LRP5: variants seen among roughly 807,000 people sequenced by gnomAD.
The protein encoded by LRP5 is LDL receptor related protein 5.
Under a neutral mutation model 154.1 loss-of-function variants are expected in LRP5, and 62 were observed. The observed-to-expected ratio is 0.40, with a 90% confidence interval of 0.33 to 0.50. LRP5 has a LOEUF of 0.50. Ranked by LOEUF, LRP5 falls within the 20% of genes least tolerant of loss-of-function variation. The probability of loss-of-function intolerance (pLI) is 0.55; values close to 1 mark genes in which losing one functional copy is unlikely to be tolerated. For synonymous variants in LRP5, 966 were observed against 1,011.5 expected (o/e 0.96, Z 0.85); for missense variants, 1,915 against 2,336.7 (o/e 0.82, Z 3.72).
At chr11:68,384,105 C>A (rs985467450) in intron 5 of LRP5, among the ~76,000 whole-genome samples, 1 of 152,118 alleles carries the variant, frequency 6.6e-6, no homozygotes, top group African/African-American at 2.4e-5. Context: ...TCGCTGTTGC[C>A]ATCACGTGGG....
At chr11:68,365,053 C>T (rs1342479878) in intron 4 of LRP5, among the ~76,000 whole-genome samples, 1 of 152,132 alleles carries the variant, frequency 6.6e-6, no homozygotes, top group East Asian at 1.9e-4. Context: ...GACAGTGTTC[C>T]TATGGAAGCT....
At chr11:68,405,374 C>T (rs145275283) in intron 8 of LRP5, among the ~76,000 whole-genome samples, 2 of 148,822 alleles carry the variant, frequency 1.3e-5, no homozygotes, top group East Asian at 2.0e-4. Flanking sequence ...AGGGGGCTGA[C>T]GTGGCAGGAT....
At chr11:68,346,293 G>A (rs753593151) in intron 1 of LRP5, among the ~76,000 whole-genome samples, 17 of 152,220 alleles carry the variant, frequency 1.1e-4, no homozygotes, top group African/African-American at 3.1e-4. Context: ...GTGGGGCGGC[G>A]GAGGCGCCGC....
At chr11:68,431,809 G>A (rs559555070) in intron 17 of LRP5, among the ~76,000 whole-genome samples, 2 of 152,222 alleles carry the variant, frequency 1.3e-5, no homozygotes, top group Non-Finnish European at 2.9e-5. Flanking sequence ...CCGTCAGAAC[G>A]CTGCACTAAC....
the LRP5 span, among the ~76,000 whole-genome samples, chr11:68,302,121 C>T: frequency 1.8e-4 from 27 of 151,244 alleles, no homozygotes; most frequent in African/African-American, 6.0e-4. Context: ...CTTTGGGAGG[C>T]CAAGGCGGGC....
At chr11:68,321,928 T>C (rs634808) in intron 1 of LRP5, among the ~76,000 whole-genome samples, 145,567 of 152,282 alleles carry the variant, frequency 0.96, 69,915 homozygotes, top group East Asian at 1. Flanking sequence ...GTGCTGGGTG[T>C]CTTCCAGGCT....
At chr11:68,425,373 G>C in intron 15 of LRP5, 81 bp downstream of exon 15, 1 of 1,427,938 alleles carries the variant, frequency 7.0e-7, no homozygotes, top group South Asian at 1.2e-5. Flanking sequence ...CATTGTCCGA[G>C]ACCTGCCGTG....
rs1438970757 is a variant in LRP5 at position 68,447,663 on chromosome 11, G to A, written c.4586+1130G>A. ...CCCACCGCGGACACATCTTCCCCCC[G>A]CCCGCCGTCTGACCTCACAGCAGCT... On this transcript the variant is annotated intron_variant, in intron 22 of 22. Coordinates refer to ENST00000294304, the MANE Select transcript of LRP5 (RefSeq NM_002335.4). The surrounding 1 kb of genome is among the most constrained non-coding windows in gnomAD (Gnocchi z 4.3). Among the ~76,000 whole-genome samples, 2 of 152,002 alleles carry A rather than the reference G, an allele frequency of 1.3e-5. No individual in the cohort carries two copies. The highest frequency in any genetic ancestry group is 6.6e-5 in the Admixed American group (1 of 15,254).
At chr11:68,330,194 T>G (rs569667944) in intron 1 of LRP5, among the ~76,000 whole-genome samples, 1 of 152,246 alleles carries the variant, frequency 6.6e-6, no homozygotes, top group South Asian at 2.1e-4. Flanking sequence ...GTGGCCTGTT[T>G]CCTTCCCTCC....
intron 13 of LRP5, among the ~76,000 whole-genome samples, chr11:68,420,910 T>C (rs2098665173): frequency 6.6e-6 from 1 of 152,034 alleles, no homozygotes; most frequent in Non-Finnish European, 1.5e-5. Flanking sequence ...GCACTAACCA[T>C]AAGTATTTGT....
At chr11:68,404,231 G>A (rs1349544413) in intron 8 of LRP5, 2 of 502,978 alleles carry the variant, frequency 4.0e-6, no homozygotes, top group African/African-American at 3.8e-5. Flanking sequence ...AGGTGACAGA[G>A]TTACACTGGA....
chr11:68,300,648 G>A, the LRP5 span, among the ~76,000 whole-genome samples: 1 of 149,374 alleles, frequency 6.7e-6, no homozygotes. Flanking sequence ...GAGGCCATAC[G>A]GATGCCTCCC....
intron 12 of LRP5, among the ~76,000 whole-genome samples, chr11:68,414,768 G>T (rs2098661582): frequency 6.6e-6 from 1 of 152,238 alleles, no homozygotes; most frequent in South Asian, 2.1e-4. Flanking sequence ...CGCAGGCGGG[G>T]CTGGTCTTGC....
rs1346986581 is a variant in LRP5 at position 68,411,520 on chromosome 11, C to T, written c.2403C>T (p.Asp801=). ...GGACCAACTGCATGACGCTGGTGGA[C>T]AAGGTGGGCCGGGCCAACGACCTCA... The part of the protein sequence containing the change: ...MDGTNCMTLV[D]KVGRANDLTI... Residue 801 remains aspartate, a synonymous_variant, in exon 11 of 23, where the codon GAC becomes GAT. Transcript: ENST00000294304. The T allele has an allele frequency of 5.6e-6, 9 of 1,613,800 alleles. No individual in the cohort carries two copies. Among genetic ancestry groups the T allele is most frequent in the Non-Finnish European group, 6.8e-6 (8 of 1,180,042 alleles).
chr11:68,346,558 C>G (rs2098613113), intron 1 of LRP5, among the ~76,000 whole-genome samples: 1 of 152,232 alleles, frequency 6.6e-6, no homozygotes, highest in Non-Finnish European at 1.5e-5. Flanking sequence ...GGATTCAGTT[C>G]TGTGATTGTC....
At chr11:68,359,973 G>A (rs1242197552) in intron 3 of LRP5, among the ~76,000 whole-genome samples, 3 of 152,018 alleles carry the variant, frequency 2.0e-5, no homozygotes, top group Non-Finnish European at 4.4e-5. Flanking sequence ...TTTTTTAGTA[G>A]GGACGGGGTT....
rs141235555 is a variant in LRP5 at position 68,416,571 on chromosome 11, G to A, written c.3027+44G>A. On this transcript the variant is annotated intron_variant, in intron 13 of 22. Transcript: ENST00000294304. The stretch of plus-strand genomic sequence containing the variant: ...GGGTGCGGGGTGTGCTTCCCAAGGC[G>A]CTCCTCTTGCTGGTTTCCAGGCTGC... 301 of 1,583,250 alleles carry A rather than the reference G, an allele frequency of 1.9e-4. 1 individual carries two copies. In the African/African-American group the frequency reaches 3.8e-3, roughly 20 times the overall value.
At chr11:68,426,401 G>T (rs1346944135) in intron 16 of LRP5, among the ~76,000 whole-genome samples, 1 of 151,562 alleles carries the variant, frequency 6.6e-6, no homozygotes, top group Non-Finnish European at 1.5e-5. Flanking sequence ...ACCACGAACA[G>T]CGTTTTAAGA....
At chr11:68,355,387 G>A (rs2098622385) in intron 2 of LRP5, among the ~76,000 whole-genome samples, 1 of 152,218 alleles carries the variant, frequency 6.6e-6, no homozygotes, top group East Asian at 1.9e-4. Flanking sequence ...CAAGGACCAA[G>A]AGTGGGAGGA....
Sources: gnomAD v4.1 joint callset for allele counts (sites outside exome capture counted in the v4.1 genomes callset) on GRCh38, gnomAD v4.1.1 for gene constraint, Gnocchi (gnomAD v3.1) non-coding constraint, MANE v1.5 for transcripts, NCBI Gene and HGNC (gene_info 2026-07-23, HGNC 2026-07-21) for gene names.